GLIS3: variants seen among roughly 807,000 people sequenced by gnomAD.
GLIS3 encodes zinc finger protein GLIS3.
A neutral mutation model predicts 78.6 loss-of-function variants in GLIS3; 53 were observed. The observed-to-expected ratio is 0.67, with a 90% CI of 0.54 to 0.85. The LOEUF is 0.85. Ranked by LOEUF, GLIS3 falls within the 40% of genes least tolerant of loss-of-function variation. The probability of loss-of-function intolerance (pLI) is 0.00; values close to 1 mark genes in which losing one functional copy is unlikely to be tolerated. For missense variants in GLIS3, 1,703 were observed against 1,231.1 expected (o/e 1.38, Z -5.74); for synonymous variants, 684 against 509.9 (o/e 1.34, Z -4.60).
chr9:4,043,486 C>T (rs527592877), intron 4 of GLIS3, among the ~76,000 whole-genome samples: 1 of 151,944 alleles, frequency 6.6e-6, no homozygotes, highest in South Asian at 2.1e-4. Flanking sequence ...AGGCTGAAGG[C>T]TCCATCAGTC....
chr9:4,204,578 A>T (rs553353872), intron 2 of GLIS3, among the ~76,000 whole-genome samples: 1 of 152,298 alleles, frequency 6.6e-6, no homozygotes, highest in East Asian at 1.9e-4. Context: ...AGGGAGGTTG[A>T]ACACACCAAG....
chr9:3,935,476 C>T (rs1033453963), intron 5 of GLIS3, among the ~76,000 whole-genome samples: 5 of 152,100 alleles, frequency 3.3e-5, no homozygotes, highest in African/African-American at 1.2e-4. Flanking sequence ...TGAAAATGCT[C>T]TTAGCTTGAT....
At chr9:4,067,780 G>GA (rs1221790310) in intron 4 of GLIS3, among the ~76,000 whole-genome samples, 28 of 138,882 alleles carry the variant, frequency 2.0e-4, no homozygotes, top group Admixed American at 1.3e-3. Context: ...CTCATTTCAA[G>GA]AAAAAAACCA....
rs963227808 is a variant in GLIS3, at chr9:4,321,363, A to G, written n.265-10835T>C. 9.5e-5 allele frequency among the ~76,000 whole-genome samples: 11 copies of G among 116,062 alleles called. 2 individuals are homozygous for G. The highest frequency in any genetic ancestry group is 3.0e-4 in the African/African-American group (7 of 23,036). 76.1% of individuals were successfully genotyped at this position (116,062 alleles called of 152,430 possible). ...CGTGAACCCAGGAGGCGGAGCTTGCAGGGAGCCGAGATGGCGCCACTGCAC... is the reference window on the plus strand; with the variant it reads ...CGTGAACCCAGGAGGCGGAGCTTGCGGGGAGCCGAGATGGCGCCACTGCAC... On this transcript the variant is annotated intron_variant and non_coding_transcript_variant, in intron 2 of 4. Transcript: ENST00000471664.
At chr9:3,963,822 A>G (rs572936665) in intron 4 of GLIS3, among the ~76,000 whole-genome samples, 1 of 152,090 alleles carries the variant, frequency 6.6e-6, no homozygotes, top group South Asian at 2.1e-4. Flanking sequence ...GAAACTGTAA[A>G]TAAGCCCTTC....
At chr9:4,286,731 C>T in intron 1 of GLIS3, among the ~76,000 whole-genome samples, 1 of 152,196 alleles carries the variant, frequency 6.6e-6, no homozygotes, top group East Asian at 1.9e-4. Flanking sequence ...TTATGGATCA[C>T]TGCATTGTTT....
intron 4 of GLIS3, among the ~76,000 whole-genome samples, chr9:4,111,328 A>G (rs916967001): frequency 1.3e-5 from 2 of 152,202 alleles, no homozygotes; most frequent in Non-Finnish European, 2.9e-5. Context: ...CTCATTATCT[A>G]TTGTTTTTCA....
chr9:4,094,822 A>G (rs1314774640), intron 4 of GLIS3, among the ~76,000 whole-genome samples: 1 of 152,200 alleles, frequency 6.6e-6, no homozygotes, highest in Non-Finnish European at 1.5e-5. Context: ...CTCACAAACT[A>G]GGACAAAATT....
intron 2 of GLIS3, among the ~76,000 whole-genome samples, chr9:4,331,972 C>CT (rs1817695023): frequency 6.6e-6 from 1 of 152,194 alleles, no homozygotes; most frequent in African/African-American, 2.4e-5. Flanking sequence ...AGCATGAGCC[C>CT]TTCCTAGCTC....
chr9:4,154,609 T>TAAA (rs1564126467), intron 2 of GLIS3, among the ~76,000 whole-genome samples: 19 of 151,520 alleles, frequency 1.3e-4, no homozygotes, highest in African/African-American at 4.6e-4. Context: ...TGCGAATCAA[T>TAAA]GATAAACATT....
intron 7 of GLIS3, among the ~76,000 whole-genome samples, chr9:3,897,150 C>A (rs1433279712): frequency 6.6e-6 from 1 of 152,030 alleles, no homozygotes; most frequent in Admixed American, 6.5e-5. Flanking sequence ...GCATTGCTTC[C>A]CAAACCCATT....
chr9:4,246,809 C>G (rs965647756), intron 2 of GLIS3, among the ~76,000 whole-genome samples: 1 of 152,164 alleles, frequency 6.6e-6, no homozygotes, highest in Non-Finnish European at 1.5e-5. Context: ...TTTTGGACCC[C>G]TGACATAAAA....
At chr9:4,143,463 A>G (rs1452643324) in intron 2 of GLIS3, among the ~76,000 whole-genome samples, 1 of 151,860 alleles carries the variant, frequency 6.6e-6, no homozygotes, top group Non-Finnish European at 1.5e-5. Flanking sequence ...GCTACTCAGG[A>G]GGCTGAGGCA....
chr9:4,318,813 G>A (rs1292100857), intron 2 of GLIS3, among the ~76,000 whole-genome samples: 1 of 152,154 alleles, frequency 6.6e-6, no homozygotes, highest in African/African-American at 2.4e-5. Context: ...TTGGTGAACA[G>A]GATATTTTCA....
chr9:4,088,846 T>A (rs983157737), intron 4 of GLIS3, among the ~76,000 whole-genome samples: 12 of 152,258 alleles, frequency 7.9e-5, no homozygotes, highest in Non-Finnish European at 1.8e-4. Context: ...TTTTCAAAAG[T>A]TGAGATACTT....
At chr9:4,253,019 C>G (rs1824543757) in intron 2 of GLIS3, among the ~76,000 whole-genome samples, 1 of 152,222 alleles carries the variant, frequency 6.6e-6, no homozygotes, top group Admixed American at 6.5e-5. Flanking sequence ...CAGATGCCAG[C>G]TGAAGCTCTC....
chr9:4,291,901 A>T (rs1816012779), intron 1 of GLIS3, among the ~76,000 whole-genome samples: 1 of 152,150 alleles, frequency 6.6e-6, no homozygotes, highest in African/African-American at 2.4e-5. Flanking sequence ...TAATTATTAG[A>T]AGTGTTTCAT....
intron 8 of GLIS3, among the ~76,000 whole-genome samples, chr9:3,865,549 T>A (rs547115832): frequency 6.6e-6 from 1 of 152,176 alleles, no homozygotes; most frequent in Non-Finnish European, 1.5e-5. Context: ...TACTAACAAG[T>A]TGGAATAATA....
chr9:4,096,926 C>T (rs1297755832), intron 4 of GLIS3, among the ~76,000 whole-genome samples: 1 of 152,138 alleles, frequency 6.6e-6, no homozygotes, highest in African/African-American at 2.4e-5. Context: ...GCAGGAGAAT[C>T]TCTTGGACCC....
Sources: allele counts gnomAD v4.1 joint callset (sites outside exome capture counted in the v4.1 genomes callset), GRCh38; gene constraint gnomAD v4.1.1; transcripts MANE v1.5; gene names NCBI Gene and HGNC (gene_info 2026-07-23, HGNC 2026-07-21).